The following TRABD2B variants were observed in gnomAD, a reference collection of about 807,000 sequenced individuals.
TRABD2B encodes the protein metalloprotease TIKI2.
A neutral mutation model predicts 40.1 loss-of-function variants in TRABD2B; 14 were observed. That is an observed-to-expected ratio of 0.35 (90% CI 0.23 to 0.55). The LOEUF is 0.55. TRABD2B is among the 20% of genes least tolerant of loss of function. The probability of loss-of-function intolerance (pLI) is 0.90; values close to 1 mark genes in which losing one functional copy is unlikely to be tolerated. For missense variants in TRABD2B, 541 were observed against 648.6 expected (o/e 0.83, Z 1.80); for synonymous variants, 263 against 277.0 (o/e 0.95, Z 0.50).
At chr1:47,814,673 A>T (rs1488028327) in intron 2 of TRABD2B, among the ~76,000 whole-genome samples, 1 of 151,992 alleles carries the variant, frequency 6.6e-6, no homozygotes, top group Admixed American at 6.6e-5. Flanking sequence ...CACTTGAGGG[A>T]GCGGTTGGAC....
intron 2 of TRABD2B, among the ~76,000 whole-genome samples, chr1:47,984,083 A>G (rs968421446): frequency 1.3e-5 from 2 of 152,272 alleles, no homozygotes; most frequent in Non-Finnish European, 2.9e-5. Flanking sequence ...AGGCGCATTA[A>G]GTCCCCAGGA....
intron 2 of TRABD2B, among the ~76,000 whole-genome samples, chr1:47,896,076 G>C (rs980742506): frequency 6.6e-5 from 10 of 152,246 alleles, no homozygotes; most frequent in African/African-American, 2.2e-4. Context: ...GGCTGTCCCT[G>C]CATCTGTCAA....
chr1:47,929,073 C>T (rs906981397), intron 2 of TRABD2B, among the ~76,000 whole-genome samples: 3 of 152,254 alleles, frequency 2.0e-5, no homozygotes, highest in African/African-American at 7.2e-5. Context: ...CAATACTCTT[C>T]TCGTAAAGCC....
Position 47,865,589 on chromosome 1 carries a change from G to A in TRABD2B, c.667-63970C>T, listed in dbSNP as rs149794178. Among the ~76,000 whole-genome samples, 111 of 152,254 alleles carry A rather than the reference G, an allele frequency of 7.3e-4. 1 individual carries two copies. The highest frequency in any genetic ancestry group is 2.5e-3 in the African/African-American group (104 of 41,536). ...TCCCAGGGTTCAGGAAATATGGTTT[G>A]TGGAAATACAAAAGAAAAGTTAAGG... On this transcript the variant is annotated intron_variant, in intron 2 of 6. Transcript: ENST00000606738.
intron 2 of TRABD2B, among the ~76,000 whole-genome samples, chr1:47,844,866 C>T (rs1645447346): frequency 6.6e-6 from 1 of 152,194 alleles, no homozygotes; most frequent in Middle Eastern, 3.2e-3. Context: ...CAGAGTCAGA[C>T]TCTCAGGTGG....
chr1:47,875,260 G>C (rs1159369611), intron 2 of TRABD2B, among the ~76,000 whole-genome samples: 1 of 151,714 alleles, frequency 6.6e-6, no homozygotes, highest in Non-Finnish European at 1.5e-5. Flanking sequence ...TACAGTGGAA[G>C]ACTGAAAATT....
chr1:47,978,910 G>A (rs941935361), intron 2 of TRABD2B, among the ~76,000 whole-genome samples: 2 of 152,216 alleles, frequency 1.3e-5, no homozygotes, highest in Admixed American at 1.3e-4. Context: ...CACGAAGAAG[G>A]AGGTTGTGGG....
Position 47,959,390 on chromosome 1 carries a change from C to T in TRABD2B, c.666+34644G>A, listed in dbSNP as rs537038632. Among the ~76,000 whole-genome samples the T allele has an allele frequency of 5.3e-5, 8 of 152,072 alleles. No homozygotes were observed. In the East Asian group the frequency reaches 1.5e-3, roughly 29 times the overall value. On this transcript the variant is annotated intron_variant, in intron 2 of 6. Coordinates refer to ENST00000606738, the MANE Select transcript of TRABD2B (RefSeq NM_001194986.2). ...AGCAGAACTGAAGGAGATAGAGACACAAAAAGCCCTTCAAAAAATCGATGA... is the reference window on the plus strand; with the variant it reads ...AGCAGAACTGAAGGAGATAGAGACATAAAAAGCCCTTCAAAAAATCGATGA...
Position 47,997,292 on chromosome 1 carries a change from GC to G in TRABD2B, c.-504del. 2.2e-6 allele frequency: 2 copies of G among 896,610 alleles called. No homozygotes were observed. Among genetic ancestry groups the G allele is most frequent in the Non-Finnish European group, 2.7e-6 (2 of 751,306 alleles). The allele number at this position is 896,610 out of a possible 1,614,324, so 55.5% of individuals were successfully genotyped here. A position where few individuals can be genotyped will look rare whatever the true frequency, so the allele number is the denominator to read the frequency against. On this transcript the variant is annotated 5_prime_UTR_variant, in exon 1 of 7. Coordinates refer to ENST00000606738, the MANE Select transcript of TRABD2B (RefSeq NM_001194986.2). ...GGGGGCGGCTCTGGGGCGACCGGCTGCCCCCGAGCCCGGCTCAGAGGGGCGG... is the reference window on the plus strand; with the variant it reads ...GGGGGCGGCTCTGGGGCGACCGGCTGCCCCGAGCCCGGCTCAGAGGGGCGG...
chr1:47,780,697 G>C (rs549913222), intron 4 of TRABD2B, among the ~76,000 whole-genome samples: 1 of 152,170 alleles, frequency 6.6e-6, no homozygotes, highest in Non-Finnish European at 1.5e-5. Context: ...TGGCACAGTG[G>C]GGGAGGCTGT....
intron 3 of TRABD2B, among the ~76,000 whole-genome samples, chr1:47,796,586 T>C (rs1644751177): frequency 6.6e-6 from 1 of 152,144 alleles, no homozygotes; most frequent in Admixed American, 6.5e-5. Context: ...CCTAGTGTGT[T>C]CCCCAGAGTG....
rs907809950 is a variant in TRABD2B, at chr1:47,810,581, G to A, written c.667-8962C>T. ...GGAGTGAGGCGACGGACCTGTGTTAGGCAGGGACCCAACAGCAACCAGGTG... is the reference window on the plus strand; with the variant it reads ...GGAGTGAGGCGACGGACCTGTGTTAAGCAGGGACCCAACAGCAACCAGGTG... On this transcript the variant is annotated intron_variant, in intron 2 of 6. Transcript: ENST00000606738. Among the ~76,000 whole-genome samples the A allele has an allele frequency of 2.6e-5, 4 of 152,224 alleles. No individual in the cohort carries two copies. The East Asian group carries it at 7.7e-4, about 29-fold the overall frequency.
At chr1:47,860,983 C>T (rs1365902664) in intron 2 of TRABD2B, among the ~76,000 whole-genome samples, 2 of 152,156 alleles carry the variant, frequency 1.3e-5, no homozygotes, top group African/African-American at 4.8e-5. Context: ...GTCTAAGCAA[C>T]ATGAAATGGA....
At chr1:47,804,979 A>G (rs1644871547) in intron 2 of TRABD2B, among the ~76,000 whole-genome samples, 1 of 152,180 alleles carries the variant, frequency 6.6e-6, no homozygotes, top group Non-Finnish European at 1.5e-5. Flanking sequence ...CTTCTGCACC[A>G]AGGCCCTTCT....
intron 2 of TRABD2B, among the ~76,000 whole-genome samples, chr1:47,982,786 C>T (rs1396999674): frequency 2.6e-5 from 4 of 152,134 alleles, no homozygotes; most frequent in African/African-American, 9.7e-5. Context: ...CTGGCACTTC[C>T]GTGTAAGTCT....
intron 2 of TRABD2B, among the ~76,000 whole-genome samples, chr1:47,923,690 T>G (rs768881953): frequency 1.3e-5 from 2 of 152,100 alleles, no homozygotes; most frequent in Non-Finnish European, 2.9e-5. Context: ...GCAGATTACT[T>G]CTATAACGTG....
At chr1:47,958,541 A>C (rs1645460016) in intron 2 of TRABD2B, among the ~76,000 whole-genome samples, 1 of 140,782 alleles carries the variant, frequency 7.1e-6, no homozygotes, top group African/African-American at 2.6e-5. Context: ...GAAAACAAAA[A>C]AAAAGCAGGG....
At chr1:47,837,348 A>G (rs1046910714) in intron 2 of TRABD2B, among the ~76,000 whole-genome samples, 2 of 152,140 alleles carry the variant, frequency 1.3e-5, no homozygotes, top group African/African-American at 4.8e-5. Context: ...GCCCTGACAG[A>G]TATTTGGGAT....
At chr1:47,939,582 A>G (rs751573118) in intron 2 of TRABD2B, among the ~76,000 whole-genome samples, 23 of 152,166 alleles carry the variant, frequency 1.5e-4, no homozygotes, top group Non-Finnish European at 2.1e-4. Context: ...CCCTGGACAG[A>G]AAAATTACGG....
Sources: gnomAD v4.1 joint callset for allele counts (sites outside exome capture counted in the v4.1 genomes callset) on GRCh38, gnomAD v4.1.1 for gene constraint, MANE v1.5 for transcripts, NCBI Gene and HGNC (gene_info 2026-07-23, HGNC 2026-07-21) for gene names.